The following GRM1 variants were observed in gnomAD, a reference collection of about 807,000 sequenced individuals.
The protein encoded by GRM1 is metabotropic glutamate receptor 1.
In GRM1, 33 loss-of-function variants were observed where a neutral mutation model predicts 90.9. That is an observed-to-expected ratio of 0.36 (90% CI 0.28 to 0.49). The LOEUF (loss-of-function observed/expected upper bound fraction) is 0.49, where lower values mean the gene tolerates loss of function less well. GRM1 is among the 20% of genes least tolerant of loss of function. The pLI is 0.99. For synonymous variants in GRM1, 700 were observed against 613.2 expected (o/e 1.14, Z -2.09); for missense variants, 1,190 against 1,534.3 (o/e 0.78, Z 3.75).
chr6:146,104,642 G>T (rs1030435399), intron 1 of GRM1, among the ~76,000 whole-genome samples: 1 of 152,154 alleles, frequency 6.6e-6, no homozygotes, highest in Non-Finnish European at 1.5e-5. Flanking sequence ...TTTCCGAAAG[G>T]CAAAGGTCAA....
chr6:146,372,825 G>A (rs917292239), intron 5 of GRM1, among the ~76,000 whole-genome samples: 3 of 152,056 alleles, frequency 2.0e-5, no homozygotes, highest in South Asian at 2.1e-4. Flanking sequence ...CTATGTGCCT[G>A]TTTTTATGCC....
intron 1 of GRM1, among the ~76,000 whole-genome samples, chr6:146,156,873 A>G (rs936902373): frequency 6.6e-6 from 1 of 152,192 alleles, no homozygotes; most frequent in African/African-American, 2.4e-5. Flanking sequence ...TTATTGCACA[A>G]CTTGGTGGGT....
intron 2 of GRM1, among the ~76,000 whole-genome samples, chr6:146,240,080 T>A (rs1212983967): frequency 6.6e-6 from 1 of 152,060 alleles, no homozygotes; most frequent in Non-Finnish European, 1.5e-5. Flanking sequence ...GAGTAGTGCC[T>A]TAGAACCATG....
At chr6:146,263,544 C>A (rs1018707063) in intron 2 of GRM1, among the ~76,000 whole-genome samples, 1 of 151,826 alleles carries the variant, frequency 6.6e-6, no homozygotes, top group Non-Finnish European at 1.5e-5. Flanking sequence ...GTAAACAATG[C>A]GCTGATAAAT....
chr6:146,045,655 TC>T (rs1472257422), intron 1 of GRM1, among the ~76,000 whole-genome samples: 2 of 150,240 alleles, frequency 1.3e-5, no homozygotes, highest in Non-Finnish European at 3.0e-5. Context: ...TTATTCAACT[TC>T]CAAGAACCAG....
At chr6:146,369,712 T>C (rs1775828505) in intron 5 of GRM1, among the ~76,000 whole-genome samples, 1 of 152,072 alleles carries the variant, frequency 6.6e-6, no homozygotes, top group African/African-American at 2.4e-5. Flanking sequence ...TTTTTTCTGA[T>C]TTTGGGGTCT....
intron 1 of GRM1, among the ~76,000 whole-genome samples, chr6:146,112,041 G>A (rs1562470406): frequency 6.6e-6 from 1 of 152,210 alleles, no homozygotes; most frequent in African/African-American, 2.4e-5. Flanking sequence ...AGATGTGAGT[G>A]TTACCCCAGT....
At chr6:146,379,852 A>G (rs1226141158) in intron 5 of GRM1, among the ~76,000 whole-genome samples, 1 of 151,986 alleles carries the variant, frequency 6.6e-6, no homozygotes, top group Non-Finnish European at 1.5e-5. Flanking sequence ...ATTGTCTTGG[A>G]CAAGATCCAG....
In GRM1 at chr6:146,083,355, T is replaced by C. The variant is rs952287233; in HGVS notation, c.700+53138T>C. ...TCCAGCTTTTGCCCATTCAGTGTAA[T>C]AGTGGCTGTGGGTTTGTCATAAATA... On this transcript the variant is annotated intron_variant, in intron 1 of 7. Coordinates refer to ENST00000282753, the MANE Select transcript of GRM1 (RefSeq NM_001278064.2). Among the ~76,000 whole-genome samples the C allele has an allele frequency of 3.9e-5, 6 of 152,190 alleles. No homozygotes were observed. The East Asian group carries it at 9.6e-4, about 24-fold the overall frequency.
chr6:146,029,960 C>G lies in GRM1; in HGVS notation c.443C>G (p.Pro148Arg). ...NRCLPDGQSLPPGRTKKPIAG... is the reference protein window; with the variant it reads ...NRCLPDGQSLRPGRTKKPIAG... Reference sequence around the variant, plus strand: ...TGTCTGCCTGACGGCCAGTCCCTCCCCCCAGGCAGGACTAAGAAGCCCATT... The same window carrying G: ...TGTCTGCCTGACGGCCAGTCCCTCCGCCCAGGCAGGACTAAGAAGCCCATT... The change falls in exon 1 of 8, where the codon CCC becomes CGC. Residue 148 changes from proline (P) to arginine (R), a missense_variant. This residue lies in a region of GRM1 where 91 missense variants were observed against 95.6 expected (regional missense o/e 0.95). Coordinates refer to ENST00000282753, the MANE Select transcript of GRM1 (RefSeq NM_001278064.2). 6.2e-7 allele frequency: 1 copy of G among 1,614,054 alleles called. No individual in the cohort carries two copies. Among genetic ancestry groups the G allele is most frequent in the Non-Finnish European group, 8.5e-7 (1 of 1,179,946 alleles).
At chr6:146,116,770 C>T (rs1775764150) in intron 1 of GRM1, among the ~76,000 whole-genome samples, 1 of 151,990 alleles carries the variant, frequency 6.6e-6, no homozygotes, top group South Asian at 2.1e-4. Context: ...TTTTTCTACC[C>T]ATAGTGATCT....
intron 2 of GRM1, among the ~76,000 whole-genome samples, chr6:146,234,500 C>G (rs1780564988): frequency 6.6e-6 from 1 of 151,490 alleles, no homozygotes; most frequent in Non-Finnish European, 1.5e-5. Flanking sequence ...TTAGTGGTTG[C>G]CATTGGGTTT....
intron 2 of GRM1, among the ~76,000 whole-genome samples, chr6:146,296,497 A>G (rs895546377): frequency 3.9e-5 from 6 of 152,334 alleles, no homozygotes; most frequent in East Asian, 1.9e-4. Context: ...TCACCACACT[A>G]TGATACACTG....
intron 5 of GRM1, among the ~76,000 whole-genome samples, chr6:146,384,052 G>A (rs978605515): frequency 1.3e-5 from 2 of 152,078 alleles, no homozygotes; most frequent in Non-Finnish European, 1.5e-5. Flanking sequence ...CCTGATGGTT[G>A]TTCATTTGAG....
At chr6:146,268,547 C>A (rs1389826352) in intron 2 of GRM1, among the ~76,000 whole-genome samples, 2 of 152,102 alleles carry the variant, frequency 1.3e-5, no homozygotes. Context: ...ATTAGGCACC[C>A]AGTAAGTGTC....
intron 1 of GRM1, among the ~76,000 whole-genome samples, chr6:146,146,384 G>A (rs889108439): frequency 4.6e-5 from 7 of 151,866 alleles, no homozygotes; most frequent in Admixed American, 2.0e-4. Context: ...ACCGTGCCCG[G>A]CCTACTATTG....
At chr6:146,224,004 A>T (rs1480150098) in intron 2 of GRM1, among the ~76,000 whole-genome samples, 2 of 152,092 alleles carry the variant, frequency 1.3e-5, no homozygotes, top group Non-Finnish European at 2.9e-5. Flanking sequence ...GGTGGAAAAA[A>T]ACCCAGTATC....
intron 2 of GRM1, among the ~76,000 whole-genome samples, chr6:146,218,428 G>T (rs1227809050): frequency 1.3e-5 from 2 of 152,122 alleles, no homozygotes; most frequent in Non-Finnish European, 2.9e-5. Context: ...TAAAATATTT[G>T]GGATAAAGAT....
intron 1 of GRM1, among the ~76,000 whole-genome samples, chr6:146,112,279 T>TA (rs570946557): frequency 0.068 from 9,547 of 140,226 alleles, 965 homozygotes; most frequent in African/African-American, 0.22. Context: ...TATGATTATC[T>TA]AAAAAAAAAA....
Sources: gnomAD v4.1 joint callset for allele counts (sites outside exome capture counted in the v4.1 genomes callset) on GRCh38, gnomAD v4.1.1 for gene constraint, gnomAD v4.1.1 regional missense constraint, MANE v1.5 for transcripts, NCBI Gene and HGNC (gene_info 2026-07-23, HGNC 2026-07-21) for gene names.